DPYS: variants seen among roughly 807,000 people sequenced by gnomAD.
The protein encoded by DPYS is dihydropyrimidinase.
In DPYS, 39 loss-of-function variants were observed where a neutral mutation model predicts 50.3. That is an observed-to-expected ratio of 0.78 (90% CI 0.60 to 1.01). The LOEUF is 1.01. DPYS is among the 50% of genes least tolerant of loss of function. The probability of loss-of-function intolerance (pLI) is 0.00; values close to 1 mark genes in which losing one functional copy is unlikely to be tolerated. For missense variants in DPYS, 659 were observed against 680.9 expected (o/e 0.97, Z 0.36); for synonymous variants, 245 against 250.7 (o/e 0.98, Z 0.22).
chr8:104,444,607 T>C (rs1564107654), intron 3 of DPYS, among the ~76,000 whole-genome samples, 170 bp from the exon 4 acceptor site: 3 of 152,224 alleles, frequency 2.0e-5, no homozygotes, highest in Non-Finnish European at 2.9e-5. Context: ...AATATATCTA[T>C]AACACATATA....
chr8:104,403,539 G>A (rs928279252), intron 7 of DPYS, among the ~76,000 whole-genome samples: 1 of 152,188 alleles, frequency 6.6e-6, no homozygotes, highest in African/African-American at 2.4e-5. Flanking sequence ...AGGGAAGACA[G>A]GAAGGAGGGC....
intron 4 of DPYS, among the ~76,000 whole-genome samples, chr8:104,432,862 G>T (rs938547492): frequency 1.1e-4 from 16 of 152,182 alleles, no homozygotes; most frequent in African/African-American, 3.4e-4. Flanking sequence ...GACATTTCAT[G>T]TTATGGGCTG....
intron 8 of DPYS, among the ~76,000 whole-genome samples, chr8:104,382,661 G>T (rs1342384694): frequency 2.0e-5 from 3 of 150,958 alleles, no homozygotes; most frequent in Non-Finnish European, 1.5e-5. Context: ...AGCATGAAAA[G>T]GGCACTAAAC....
rs2140706781 is a variant in DPYS, at chr8:104,444,443, A to G, written c.604-6T>C. ...GCCAACATCTTCTTTGCTCCCTAAA[A>G]AGACAGCAGGAATGTGTATATGTGC... On this transcript the variant is annotated splice_polypyrimidine_tract_variant and splice_region_variant and intron_variant, in intron 3 of 9. Transcript: ENST00000351513. 2 of 1,614,150 alleles carry G rather than the reference A, an allele frequency of 1.2e-6. No individual in the cohort carries two copies. The highest frequency in any genetic ancestry group is 2.7e-5 in the African/African-American group (2 of 75,050).
chr8:104,385,476 T>C (rs1201639244), intron 8 of DPYS, among the ~76,000 whole-genome samples: 2 of 152,102 alleles, frequency 1.3e-5, no homozygotes, highest in Non-Finnish European at 2.9e-5. Context: ...TGGTATTTTT[T>C]CCCCCCAGTA....
intron 7 of DPYS, among the ~76,000 whole-genome samples, chr8:104,405,658 T>C (rs1359995375): frequency 6.6e-6 from 1 of 152,260 alleles, no homozygotes; most frequent in South Asian, 2.1e-4. Context: ...TGTCTGCTTC[T>C]AGGAAGCACA....
rs1283164701 is a variant in DPYS at position 104,429,622 on chromosome 8, A to G, written c.873T>C (p.His291=). 4 of 1,614,194 alleles carry G rather than the reference A, an allele frequency of 2.5e-6. 1 individual carries two copies. The South Asian group carries it at 4.4e-5, about 18-fold the overall frequency. The change falls in exon 5 of 10, where the codon CAT becomes CAC. Residue 291 remains histidine (H), a synonymous_variant. Coordinates refer to ENST00000351513, the MANE Select transcript of DPYS (RefSeq NM_001385.3). ...GTGGACCCATGACATGGTGGGCTGC[A>G]TGGTGCCATTCTTTATTCCAGTAGT... is the stretch of plus-strand genomic sequence containing the variant. ...GTHYWNKEWH[H]AAHHVMGPPL... is the part of the protein sequence containing the mutation.
At chr8:104,413,520 G>A (rs923756496) in intron 7 of DPYS, among the ~76,000 whole-genome samples, 5 of 151,904 alleles carry the variant, frequency 3.3e-5, no homozygotes, top group African/African-American at 4.8e-5. Context: ...ATTAAATATT[G>A]TACTTTTTAA....
intron 7 of DPYS, among the ~76,000 whole-genome samples, chr8:104,422,079 T>G (rs758094115): frequency 3.9e-5 from 6 of 152,172 alleles, no homozygotes; most frequent in Non-Finnish European, 8.8e-5. Context: ...TGAGCTGGTG[T>G]CATCCCTAGA....
intron 1 of DPYS, among the ~76,000 whole-genome samples, chr8:104,462,706 C>T (rs949985992): frequency 6.6e-6 from 1 of 152,172 alleles, no homozygotes; most frequent in Non-Finnish European, 1.5e-5. Flanking sequence ...AACTCTTATA[C>T]TTCATTCTCT....
chr8:104,447,190 G>T, intron 3 of DPYS, 134 bp downstream of exon 3: 1 of 1,182,832 alleles, frequency 8.5e-7, no homozygotes, highest in Non-Finnish European at 1.2e-6. Context: ...CCGTTTCCGA[G>T]CCACGGAAAA....
intron 8 of DPYS, among the ~76,000 whole-genome samples, chr8:104,382,554 T>TC (rs1290238007): frequency 6.6e-6 from 1 of 151,290 alleles, no homozygotes; most frequent in African/African-American, 2.4e-5. Context: ...TTTTTTTTTT[T>TC]TTCTTCTCCT....
chr8:104,429,183 AG>A, intron 5 of DPYS: 1 of 229,148 alleles, frequency 4.4e-6, no homozygotes, highest in Non-Finnish European at 8.7e-6. Flanking sequence ...AGAAAGTAAC[AG>A]GGTTAACCTA....
chr8:104,393,966 T>C (rs1442433249), intron 7 of DPYS, among the ~76,000 whole-genome samples: 2 of 152,160 alleles, frequency 1.3e-5, no homozygotes, highest in African/African-American at 4.8e-5. Flanking sequence ...TTCCCACCCT[T>C]TCCCGCTGAG....
intron 7 of DPYS, among the ~76,000 whole-genome samples, chr8:104,410,991 G>A (rs1381724070): frequency 2.6e-5 from 4 of 152,164 alleles, no homozygotes; most frequent in Non-Finnish European, 5.9e-5. Context: ...AGTCTTCACA[G>A]ACGACCTCAA....
At chr8:104,454,039 T>C (rs1813845065) in intron 1 of DPYS, among the ~76,000 whole-genome samples, 1 of 152,136 alleles carries the variant, frequency 6.6e-6, no homozygotes, top group African/African-American at 2.4e-5. Flanking sequence ...CTGGGTGGGA[T>C]GAGGAGAGTC....
intron 1 of DPYS, among the ~76,000 whole-genome samples, chr8:104,451,663 A>G (rs1305027346): frequency 6.6e-6 from 1 of 152,220 alleles, no homozygotes; most frequent in African/African-American, 2.4e-5. Flanking sequence ...ATTTGACTCA[A>G]AGAAAACAGA....
intron 6 of DPYS, among the ~76,000 whole-genome samples, chr8:104,425,486 T>C (rs1812692211): frequency 1.3e-5 from 2 of 151,208 alleles, no homozygotes; most frequent in Non-Finnish European, 3.0e-5. Context: ...GCTAATTTTT[T>C]ATAGAGATGG....
At chr8:104,402,522 G>GAA (rs1425015164) in intron 7 of DPYS, among the ~76,000 whole-genome samples, 4 of 152,140 alleles carry the variant, frequency 2.6e-5, no homozygotes, top group Non-Finnish European at 5.9e-5. Context: ...TAACTTTCTG[G>GAA]GGTGATGTGT....
Sources: gnomAD v4.1 joint callset for allele counts (sites outside exome capture counted in the v4.1 genomes callset) on GRCh38, gnomAD v4.1.1 for gene constraint, MANE v1.5 for transcripts, NCBI Gene and HGNC (gene_info 2026-07-23, HGNC 2026-07-21) for gene names.